Variants in LPP observed in about 807,000 individuals in gnomAD.
LPP encodes the protein LIM domain containing preferred translocation partner in lipoma, also known as lipoma-preferred partner.
Under a neutral mutation model 60.4 loss-of-function variants are expected in LPP, and 38 were observed. The observed-to-expected ratio is 0.63, with a 90% CI of 0.49 to 0.83. LPP has a LOEUF of 0.83. Ranked by LOEUF, LPP falls within the 40% of genes least tolerant of loss-of-function variation. The probability of loss-of-function intolerance (pLI) is 0.00; values close to 1 mark genes in which losing one functional copy is unlikely to be tolerated. For synonymous variants in LPP, 328 were observed against 290.8 expected, an observed-to-expected ratio of 1.13 and a Z score of -1.30; for missense variants, 902 against 783.6, an observed-to-expected ratio of 1.15 and a Z score of -1.80.
intron 2 of LPP, among the ~76,000 whole-genome samples, chr3:188,254,991 A>C (rs1173929934): frequency 6.6e-6 from 1 of 152,206 alleles, no homozygotes; most frequent in African/African-American, 2.4e-5. Flanking sequence ...CATGCAAGGA[A>C]GTTATAAAAT....
At chr3:188,852,830 C>T (rs1762974636) in intron 9 of LPP, among the ~76,000 whole-genome samples, 1 of 152,052 alleles carries the variant, frequency 6.6e-6, no homozygotes, top group Admixed American at 6.6e-5. Context: ...CAAGAGAAAA[C>T]TATATCACAT....
In LPP at chr3:188,524,156, C is replaced by T. The variant is rs376923450; in HGVS notation, c.307-509C>T. Among the ~76,000 whole-genome samples, 6 of 152,170 alleles carry T rather than the reference C, an allele frequency of 3.9e-5. No individual in the cohort carries two copies. The East Asian group carries it at 7.7e-4, about 20-fold the overall frequency. ...AGGTGCATCTCTTGGGTCTTGCCAT[C>T]TCTCGCACACATGCATACCTAATAC... On this transcript the variant is annotated intron_variant, in intron 5 of 11. Transcript: ENST00000617246.
At chr3:188,464,807 A>G (rs1799959515) in intron 4 of LPP, among the ~76,000 whole-genome samples, 1 of 151,964 alleles carries the variant, frequency 6.6e-6, no homozygotes, top group African/African-American at 2.4e-5. Context: ...GAATTGTTGG[A>G]TGTTCTGTTT....
intron 9 of LPP, among the ~76,000 whole-genome samples, chr3:188,858,842 C>T (rs1764460768): frequency 1.3e-5 from 2 of 152,066 alleles, no homozygotes; most frequent in Admixed American, 1.3e-4. Context: ...GTAATCCCAG[C>T]ACTTTGGGAG....
At chr3:188,642,444 G>A (rs542802499) in intron 7 of LPP, among the ~76,000 whole-genome samples, 47 of 152,236 alleles carry the variant, frequency 3.1e-4, no homozygotes, top group East Asian at 9.6e-4. Flanking sequence ...ACACAGTGCC[G>A]GACTAAGAAA....
intron 1 of LPP, among the ~76,000 whole-genome samples, chr3:188,165,338 A>C (rs577437191): frequency 6.6e-6 from 1 of 152,020 alleles, no homozygotes; most frequent in African/African-American, 2.4e-5. Context: ...ACCTGGGGAA[A>C]CTCAGATAAA....
At chr3:188,670,235 T>C (rs1186918153) in intron 7 of LPP, among the ~76,000 whole-genome samples, 1 of 152,194 alleles carries the variant, frequency 6.6e-6, no homozygotes, top group Non-Finnish European at 1.5e-5. Flanking sequence ...ATATGTATCC[T>C]AGAACGTAAA....
intron 2 of LPP, among the ~76,000 whole-genome samples, chr3:188,290,132 C>A (rs1361124674): frequency 6.6e-6 from 1 of 151,956 alleles, no homozygotes. Context: ...GCCACCATGC[C>A]CGACTAATTT....
At chr3:188,439,784 A>G (rs937007642) in intron 4 of LPP, among the ~76,000 whole-genome samples, 11 of 152,200 alleles carry the variant, frequency 7.2e-5, no homozygotes, top group Non-Finnish European at 5.9e-5. Context: ...GGAACCTTCT[A>G]TCCTAGTTAT....
chr3:188,248,495 T>TATATATAC (rs1358563921), intron 2 of LPP, among the ~76,000 whole-genome samples: 10 of 138,570 alleles, frequency 7.2e-5, no homozygotes, highest in African/African-American at 2.9e-4. Flanking sequence ...TATATATATA[T>TATATATAC]ATACAGTCAG....
At chr3:188,349,022 G>C (rs1578245401) in intron 3 of LPP, among the ~76,000 whole-genome samples, 1 of 152,122 alleles carries the variant, frequency 6.6e-6, no homozygotes, top group African/African-American at 2.4e-5. Flanking sequence ...ACTGGGATTG[G>C]ATTCTAAGTC....
chr3:188,747,062 T>C (rs1726462378), intron 8 of LPP, among the ~76,000 whole-genome samples: 1 of 152,182 alleles, frequency 6.6e-6, no homozygotes, highest in Non-Finnish European at 1.5e-5. Context: ...GGTGTATTTA[T>C]TTTATAAAAG....
At chr3:188,499,583 C>T (rs1324839406) in intron 5 of LPP, among the ~76,000 whole-genome samples, 1 of 152,044 alleles carries the variant, frequency 6.6e-6, no homozygotes, top group Non-Finnish European at 1.5e-5. Flanking sequence ...GATTGTTCTG[C>T]CTATTTTAGG....
Position 188,876,585 on chromosome 3 carries a change from T to C in LPP, c.*2106T>C, listed in dbSNP as rs1769280075. ...GCTGATGACCTCAAGTAGCACTGAC[T>C]ATTTGACAATAGGGCTGATAATGTA... On this transcript the variant is annotated 3_prime_UTR_variant, in exon 12 of 12. Transcript: ENST00000617246. 9.8e-6 allele frequency: 2 copies of C among 203,864 alleles called. No homozygotes were observed. Among genetic ancestry groups the C allele is most frequent in the Admixed American group, 6.0e-5 (1 of 16,770 alleles). 12.6% of individuals were successfully genotyped at this position (203,864 alleles called of 1,614,324 possible). A position where few individuals can be genotyped will look rare whatever the true frequency, so the allele number is the denominator to read the frequency against.
intron 2 of LPP, among the ~76,000 whole-genome samples, chr3:188,283,910 GA>G (rs1743009608): frequency 1.3e-5 from 2 of 152,002 alleles, no homozygotes; most frequent in Non-Finnish European, 2.9e-5. Context: ...CCAGGAGGTG[GA>G]GGTTGCAGTG....
At chr3:188,276,409 A>G (rs1739715008) in intron 2 of LPP, among the ~76,000 whole-genome samples, 1 of 152,196 alleles carries the variant, frequency 6.6e-6, no homozygotes, top group Non-Finnish European at 1.5e-5. Flanking sequence ...TCTTGTTGTA[A>G]GTCACAGAAC....
In LPP at chr3:188,211,784, C is replaced by T. The variant is rs188366576; in HGVS notation, c.-189-13621C>T. 1.9e-3 allele frequency among the ~76,000 whole-genome samples: 285 copies of T among 152,036 alleles called. 2 individuals carry two copies. Among genetic ancestry groups the T allele is most frequent in the African/African-American group, 6.4e-3 (266 of 41,496 alleles). ...TACATTCTCAGGAGGACTCCCAGAC[C>T]AAGAGACTCTGGGCTTGGGCGTGAG... On this transcript the variant is annotated intron_variant, in intron 1 of 11. Transcript: ENST00000617246.
At chr3:188,529,620 G>A (rs1051260615) in intron 6 of LPP, among the ~76,000 whole-genome samples, 19 of 152,040 alleles carry the variant, frequency 1.2e-4, no homozygotes, top group East Asian at 3.9e-4. Flanking sequence ...AGTATTTTCC[G>A]CTCCCAAATT....
At chr3:188,313,604 T>G (rs1419262960) in intron 2 of LPP, among the ~76,000 whole-genome samples, 2 of 146,932 alleles carry the variant, frequency 1.4e-5, no homozygotes, top group East Asian at 4.0e-4. Flanking sequence ...GCCACTGCAC[T>G]CCAGCCTGGG....
Sources: allele counts gnomAD v4.1 joint callset (sites outside exome capture counted in the v4.1 genomes callset), GRCh38; gene constraint gnomAD v4.1.1; transcripts MANE v1.5; gene names NCBI Gene and HGNC (gene_info 2026-07-23, HGNC 2026-07-21).